The following PTPN9 variants were observed in gnomAD, a reference collection of about 807,000 sequenced individuals.
PTPN9 encodes the protein tyrosine-protein phosphatase non-receptor type 9.
In PTPN9, 26 loss-of-function variants were observed where a neutral mutation model predicts 69.8. That is an observed-to-expected ratio of 0.37 (90% CI 0.27 to 0.52). The LOEUF is 0.52. Ranked by LOEUF, PTPN9 falls within the 20% of genes least tolerant of loss-of-function variation. PTPN9 has a pLI of 0.91. For synonymous variants in PTPN9, 274 were observed against 272.5 expected, an observed-to-expected ratio of 1.01 and a Z score of -0.05; for missense variants, 549 against 740.3, an observed-to-expected ratio of 0.74 and a Z score of 3.00.
At chr15:75,576,776 C>A (rs937667868) in intron 1 of PTPN9, among the ~76,000 whole-genome samples, 1 of 152,054 alleles carries the variant, frequency 6.6e-6, no homozygotes. Context: ...CCACTGCACT[C>A]CAGCCTAGAT....
At chr15:75,511,912 T>C (rs185862040) in intron 5 of PTPN9, among the ~76,000 whole-genome samples, 75 of 150,812 alleles carry the variant, frequency 5.0e-4, no homozygotes, top group Middle Eastern at 3.4e-3. Context: ...CAAGCTGGAG[T>C]GTAGTGGCAC....
chr15:75,480,375 A>C (rs1362994890), intron 8 of PTPN9, among the ~76,000 whole-genome samples: 8 of 152,200 alleles, frequency 5.3e-5, no homozygotes, highest in Non-Finnish European at 7.4e-5. Flanking sequence ...GAGGCCGAGG[A>C]GGGTGGATCA....
chr15:75,505,866 A>T lies in PTPN9; in HGVS notation c.777T>A (p.Asp259Glu). ...AGAACAGGATGATCTCATCGAAGGG[A>T]TCTGGGTGGCCGTTCACCTGGGGTA... ...QFLPQVNGHP[D>E]PFDEIILFSL... is the part of the protein sequence containing the mutation. The change falls in exon 7 of 13, where the codon GAT becomes GAA. Residue 259 changes from aspartate to glutamate, a missense_variant. Physicochemically the swap from Asp to Glu is conservative, Grantham distance 45. Coordinates refer to ENST00000618819, the MANE Select transcript of PTPN9 (RefSeq NM_002833.4). 1 of 1,614,112 alleles carries T rather than the reference A, an allele frequency of 6.2e-7. No individual in the cohort carries two copies. The highest frequency in any genetic ancestry group is 8.5e-7 in the Non-Finnish European group (1 of 1,180,010).
intron 7 of PTPN9, among the ~76,000 whole-genome samples, chr15:75,503,950 G>A (rs1459696386): frequency 8.8e-6 from 1 of 113,748 alleles, no homozygotes; most frequent in Non-Finnish European, 1.9e-5. Context: ...GGGAGGTGAG[G>A]GGCGCCTCTG....
At chr15:75,558,145 T>C (rs539368614) in intron 1 of PTPN9, among the ~76,000 whole-genome samples, 10 of 152,222 alleles carry the variant, frequency 6.6e-5, no homozygotes, top group Non-Finnish European at 1.3e-4. Flanking sequence ...CTGGCCAACA[T>C]GGTAAAACAC....
intron 1 of PTPN9, among the ~76,000 whole-genome samples, chr15:75,568,358 G>T (rs1035052046): frequency 3.3e-5 from 5 of 151,300 alleles, no homozygotes; most frequent in African/African-American, 1.2e-4. Flanking sequence ...AATCTAACTG[G>T]GCATGGTGGT....
intron 8 of PTPN9, among the ~76,000 whole-genome samples, chr15:75,483,256 CTT>C (rs1189697175): frequency 2.0e-5 from 3 of 152,174 alleles, no homozygotes; most frequent in South Asian, 2.1e-4. Flanking sequence ...CATACAAAAA[CTT>C]ATACATAAAT....
rs2074530322 is a variant in PTPN9, at chr15:75,464,804, C to T, written c.*3965G>A. Reference sequence around the variant, plus strand: ...CTATGATGCTAAATAGTCCATTCTCCCAAGAACAAGTCCTACTCTGTCATT... The same window carrying T: ...CTATGATGCTAAATAGTCCATTCTCTCAAGAACAAGTCCTACTCTGTCATT... On this transcript the variant is annotated 3_prime_UTR_variant, in exon 13 of 13. Transcript: ENST00000618819. 1 of 152,142 alleles carries T rather than the reference C, an allele frequency of 6.6e-6. No homozygotes were observed. Among genetic ancestry groups the T allele is most frequent in the African/African-American group, 2.4e-5 (1 of 41,428 alleles). The allele number at this position is 152,142 out of a possible 1,614,324, so 9.4% of individuals were successfully genotyped here.
intron 10 of PTPN9, among the ~76,000 whole-genome samples, chr15:75,473,400 C>T (rs917112533): frequency 1.3e-5 from 2 of 152,136 alleles, no homozygotes; most frequent in East Asian, 1.9e-4. Context: ...CAGGCACGCA[C>T]CACAATGCCC....
At chr15:75,503,697 A>G (rs2074790893) in intron 7 of PTPN9, among the ~76,000 whole-genome samples, 1 of 129,240 alleles carries the variant, frequency 7.7e-6, no homozygotes, top group Non-Finnish European at 1.7e-5. Context: ...CTGCCTGGCC[A>G]GCCACCCCGT....
chr15:75,532,006 A>AAAAT (rs1188577403), intron 1 of PTPN9, among the ~76,000 whole-genome samples: 1 of 152,228 alleles, frequency 6.6e-6, no homozygotes, highest in Non-Finnish European at 1.5e-5. Context: ...TTTCTAATAA[A>AAAAT]AAATAATCAA....
chr15:75,538,430 C>T (rs1264551813), intron 1 of PTPN9, among the ~76,000 whole-genome samples: 1 of 152,158 alleles, frequency 6.6e-6, no homozygotes, highest in Admixed American at 6.6e-5. Flanking sequence ...GGTGTGGTGG[C>T]TCCAATCTAT....
rs558673317 is a variant in PTPN9 at position 75,547,753 on chromosome 15, C to A, written c.64-20492G>T. On this transcript the variant is annotated intron_variant, in intron 1 of 12. Transcript: ENST00000618819. ...CAATCTTGGCTCACTGCAACCTCGG[C>A]CTCCTGGGTTCAAGCAATTCTCCTG... 2.6e-5 allele frequency among the ~76,000 whole-genome samples: 4 copies of A among 151,872 alleles called. No homozygotes were observed. The East Asian group carries it at 5.8e-4, about 22-fold the overall frequency.
intron 1 of PTPN9, among the ~76,000 whole-genome samples, chr15:75,559,053 T>C (rs2075090997): frequency 6.6e-6 from 1 of 151,252 alleles, no homozygotes; most frequent in Non-Finnish European, 1.5e-5. Context: ...GGAGCACCTC[T>C]TCCCGGCCGC....
intron 1 of PTPN9, among the ~76,000 whole-genome samples, chr15:75,537,799 C>CTGTA (rs2074991203): frequency 7.0e-6 from 1 of 142,408 alleles, no homozygotes; most frequent in African/African-American, 2.7e-5. Flanking sequence ...TGGCTCACAC[C>CTGTA]TGTAATCCCA....
intron 8 of PTPN9, among the ~76,000 whole-genome samples, chr15:75,482,383 G>A (rs2074643074): frequency 6.6e-6 from 1 of 152,076 alleles, no homozygotes; most frequent in African/African-American, 2.4e-5. Flanking sequence ...GGCTAACACG[G>A]TGAAACCCCG....
intron 7 of PTPN9, among the ~76,000 whole-genome samples, chr15:75,494,815 G>A (rs1206642621): frequency 6.6e-6 from 1 of 151,966 alleles, no homozygotes; most frequent in African/African-American, 2.4e-5. Flanking sequence ...CCTGAAGTCA[G>A]GAGTTTGAGA....
intron 1 of PTPN9, among the ~76,000 whole-genome samples, chr15:75,572,706 C>CA (rs948976405): frequency 1.1e-4 from 16 of 143,586 alleles, no homozygotes; most frequent in Admixed American, 2.1e-4. Flanking sequence ...GACTCTGTCT[C>CA]AAAAAAAAAG....
intron 1 of PTPN9, among the ~76,000 whole-genome samples, chr15:75,538,176 A>G (rs1189178105): frequency 6.6e-6 from 1 of 152,196 alleles, no homozygotes. Flanking sequence ...CAGGAGATCT[A>G]TCAAAGCAAT....
Sources: gnomAD v4.1 joint callset for allele counts (sites outside exome capture counted in the v4.1 genomes callset) on GRCh38, gnomAD v4.1.1 for gene constraint, MANE v1.5 for transcripts, NCBI Gene and HGNC (gene_info 2026-07-23, HGNC 2026-07-21) for gene names.